PDE4D: variants seen among roughly 807,000 people sequenced by gnomAD.
PDE4D encodes the protein 3',5'-cyclic-AMP phosphodiesterase 4D.
Under a neutral mutation model 87.4 loss-of-function variants are expected in PDE4D, and 24 were observed. The ratio of observed to expected loss-of-function variants is 0.27; its 90% CI spans 0.20 to 0.39. PDE4D has a LOEUF of 0.39. Ranked by LOEUF, PDE4D falls within the 10% of genes least tolerant of loss-of-function variation. PDE4D has a pLI of 1.00. For synonymous variants in PDE4D, 384 were observed against 383.2 expected (o/e 1.00, Z -0.02); for missense variants, 714 against 1,041.0 (o/e 0.69, Z 4.32).
intron 1 of PDE4D, among the ~76,000 whole-genome samples, chr5:60,282,118 A>T (rs1258259120): frequency 6.6e-6 from 1 of 151,548 alleles, no homozygotes; most frequent in Non-Finnish European, 1.5e-5. Flanking sequence ...AGTCATTATC[A>T]TTCCTAGTGT....
At chr5:59,183,413 T>C (rs1023462217) in intron 4 of PDE4D, among the ~76,000 whole-genome samples, 1 of 152,170 alleles carries the variant, frequency 6.6e-6, no homozygotes, top group African/African-American at 2.4e-5. Context: ...CTGTCTTGCA[T>C]AGAAACAGGC....
At chr5:59,588,910 T>G (rs1825563851) in intron 1 of PDE4D, among the ~76,000 whole-genome samples, 1 of 152,264 alleles carries the variant, frequency 6.6e-6, no homozygotes, top group South Asian at 2.1e-4. Context: ...CTACATTGTT[T>G]TTAACAAGCT....
chr5:60,328,325 A>G (rs1461349499), intron 1 of PDE4D, among the ~76,000 whole-genome samples: 1 of 152,204 alleles, frequency 6.6e-6, no homozygotes, highest in Non-Finnish European at 1.5e-5. Flanking sequence ...TCCAAGGGAA[A>G]AAGACAGGAT....
At chr5:58,984,975 T>C (rs1746070237) in intron 11 of PDE4D, among the ~76,000 whole-genome samples, 1 of 152,176 alleles carries the variant, frequency 6.6e-6, no homozygotes, top group Non-Finnish European at 1.5e-5. Flanking sequence ...GATGGTATGA[T>C]CTCGGCTCAC....
intron 1 of PDE4D, among the ~76,000 whole-genome samples, chr5:60,393,827 T>A (rs769172911): frequency 2.2e-4 from 33 of 152,206 alleles, no homozygotes; most frequent in Admixed American, 3.9e-4. Context: ...TTTGCCAACA[T>A]ACAATAGATT....
chr5:59,405,926 G>C (rs184033990), intron 1 of PDE4D, among the ~76,000 whole-genome samples: 3 of 152,200 alleles, frequency 2.0e-5, no homozygotes, highest in Admixed American at 2.0e-4. Context: ...GCTGAATTTG[G>C]CTTGCTAGTA....
At chr5:60,049,584 A>G (rs926452342) in intron 2 of PDE4D, among the ~76,000 whole-genome samples, 41 of 152,218 alleles carry the variant, frequency 2.7e-4, no homozygotes, top group Non-Finnish European at 5.3e-4. Flanking sequence ...TCCTTCTAAC[A>G]GACAGGACCC....
chr5:59,503,494 A>G (rs1246663033), intron 1 of PDE4D, among the ~76,000 whole-genome samples: 1 of 152,166 alleles, frequency 6.6e-6, no homozygotes, highest in Non-Finnish European at 1.5e-5. Context: ...AGATAACGAT[A>G]TCTAGTCTAT....
intron 1 of PDE4D, among the ~76,000 whole-genome samples, chr5:59,819,244 G>A (rs1769355561): frequency 6.6e-6 from 1 of 152,166 alleles, no homozygotes; most frequent in Non-Finnish European, 1.5e-5. Context: ...TCCTAAGGGT[G>A]GAATCTATGC....
At chr5:60,390,904 C>T (rs1459437288) in intron 1 of PDE4D, among the ~76,000 whole-genome samples, 4 of 152,080 alleles carry the variant, frequency 2.6e-5, no homozygotes, top group Non-Finnish European at 5.9e-5. Context: ...TCTTTATTTA[C>T]ATATCACCTT....
chr5:59,326,877 A>G (rs1414159442), intron 1 of PDE4D, among the ~76,000 whole-genome samples: 1 of 152,170 alleles, frequency 6.6e-6, no homozygotes, highest in Non-Finnish European at 1.5e-5. Context: ...CATATATTTA[A>G]TGACTTCATC....
intron 1 of PDE4D, among the ~76,000 whole-genome samples, chr5:59,454,984 A>G (rs985733787): frequency 6.6e-6 from 1 of 152,204 alleles, no homozygotes; most frequent in African/African-American, 2.4e-5. Context: ...CAAAGCATTC[A>G]AGAGGTGACT....
intron 1 of PDE4D, among the ~76,000 whole-genome samples, chr5:59,737,219 T>C (rs2150644857): frequency 6.6e-6 from 1 of 152,290 alleles, no homozygotes; most frequent in Middle Eastern, 3.4e-3. Flanking sequence ...TAAAGTCGCA[T>C]TCCTGGAAGT....
In PDE4D at chr5:59,852,483, C is replaced by G. The variant is rs530413536; in HGVS notation, c.455+40685G>C. Reference sequence around the variant, plus strand: ...CCCAACAAAGAATTGAAGTCTCCCCCCAACAGCAGGCACTAATGTGCCAGC... The same window carrying G: ...CCCAACAAAGAATTGAAGTCTCCCCGCAACAGCAGGCACTAATGTGCCAGC... On this transcript the variant is annotated intron_variant, in intron 1 of 14. Coordinates refer to ENST00000340635, the MANE Select transcript of PDE4D (RefSeq NM_001104631.2). Among the ~76,000 whole-genome samples the G allele has an allele frequency of 3.8e-4, 58 of 152,128 alleles. No homozygotes were observed. The South Asian group carries it at 0.011, about 30-fold the overall frequency.
chr5:60,195,850 A>C (rs553285828), intron 1 of PDE4D, among the ~76,000 whole-genome samples: 1 of 151,864 alleles, frequency 6.6e-6, no homozygotes, highest in South Asian at 2.1e-4. Context: ...TCTTTAAGTT[A>C]TTCAAATGCC....
chr5:60,509,600 T>C (rs545861253), intron 1 of PDE4D, among the ~76,000 whole-genome samples: 1 of 152,308 alleles, frequency 6.6e-6, no homozygotes, highest in Admixed American at 6.5e-5. Flanking sequence ...TTTTCTCTCA[T>C]TTCATCTTTC....
At position 59,958,713 on chromosome 5, in the gene PDE4D, A is replaced by G. The variant is rs184014962; in HGVS notation, c.272+29775T>C. On this transcript the variant is annotated intron_variant, in intron 3 of 16. Coordinates refer to the PDE4D transcript ENST00000502484. ...TATCCCAAAATAATAAGAGTCATCT[A>G]TGAAAAACCCCAAGCCAACATCATG... Among the ~76,000 whole-genome samples the G allele has an allele frequency of 2.3e-3, 351 of 152,272 alleles. 1 individual carries two copies. Among genetic ancestry groups the G allele is most frequent in the Non-Finnish European group, 3.7e-3 (250 of 68,016 alleles).
intron 1 of PDE4D, among the ~76,000 whole-genome samples, chr5:59,346,546 T>C (rs13176940): frequency 0.37 from 55,609 of 151,946 alleles, 10,409 homozygotes; most frequent in Middle Eastern, 0.54. Flanking sequence ...TTCCCTTTCT[T>C]GGCATTTTGG....
At chr5:59,742,603 T>C (rs1441359441) in intron 1 of PDE4D, among the ~76,000 whole-genome samples, 1 of 152,220 alleles carries the variant, frequency 6.6e-6, no homozygotes, top group Non-Finnish European at 1.5e-5. Flanking sequence ...GTGGTAAGCA[T>C]TATGTGATGT....
Sources: allele counts gnomAD v4.1 joint callset (sites outside exome capture counted in the v4.1 genomes callset), GRCh38; gene constraint gnomAD v4.1.1; transcripts MANE v1.5; gene names NCBI Gene and HGNC (gene_info 2026-07-23, HGNC 2026-07-21).